Variants in INPP5B observed in about 807,000 individuals in gnomAD.
INPP5B encodes type II inositol 1,4,5-trisphosphate 5-phosphatase.
A neutral mutation model predicts 118.5 loss-of-function variants in INPP5B; 90 were observed. The observed-to-expected ratio is 0.76, with a 90% CI of 0.64 to 0.90. INPP5B has a LOEUF of 0.90. Ranked by LOEUF, INPP5B falls within the 40% of genes least tolerant of loss-of-function variation. INPP5B has a pLI of 0.00. For synonymous variants in INPP5B, 385 were observed against 418.9 expected (o/e 0.92, Z 0.99); for missense variants, 984 against 1,125.6 (o/e 0.87, Z 1.80).
intron 7 of INPP5B, 44 bp downstream of exon 7, chr1:37,931,869 G>A: frequency 1.9e-6 from 3 of 1,613,298 alleles, no homozygotes; most frequent in Non-Finnish European, 1.7e-6. Context: ...CCTGTGGCCG[G>A]GCCTCCTCCA....
At chr1:37,920,730 A>G (rs1239782449) in intron 7 of INPP5B, among the ~76,000 whole-genome samples, 1 of 151,544 alleles carries the variant, frequency 6.6e-6, no homozygotes, top group Admixed American at 6.6e-5. Flanking sequence ...CCTGAGTTCT[A>G]TTTTCGACTC....
intron 15 of INPP5B, among the ~76,000 whole-genome samples, chr1:37,878,850 A>T (rs893435790): frequency 6.6e-6 from 1 of 150,386 alleles, no homozygotes; most frequent in African/African-American, 2.4e-5. Context: ...GGGTTTCACC[A>T]TGTTGCCCAG....
intron 22 of INPP5B, 44 bp from the exon 23 acceptor site, chr1:37,864,467 A>G (rs1414361960): frequency 1.7e-6 from 2 of 1,158,910 alleles, no homozygotes; most frequent in Admixed American, 3.5e-5. Flanking sequence ...TCACTGAATC[A>G]TTTCTCAAGT....
intron 3 of INPP5B, 125 bp downstream of exon 3, chr1:37,945,631 T>G (rs1646084097): frequency 1.5e-6 from 1 of 668,998 alleles, no homozygotes; most frequent in Non-Finnish European, 2.7e-6. Flanking sequence ...ATATTAACTA[T>G]CATTGTGATA....
chr1:37,875,689 G>A lies in INPP5B; in HGVS notation c.1705C>T (p.Arg569Trp), dbSNP rs759049604. The A allele has an allele frequency of 1.4e-5, 23 of 1,613,864 alleles. No homozygotes were observed. Among genetic ancestry groups the A allele is most frequent in the Middle Eastern group, 1.6e-4 (1 of 6,084 alleles). Reference protein sequence around the residue: ...GVRVVNDELYRKTLEEIVRSL... With the variant: ...GVRVVNDELYWKTLEEIVRSL... ...CGAACAATTTCCTCCAGTGTCTTCC[G>A]GTAAAGCTCGTCATTTACGACCCTC... Residue 569 changes from arginine (R) to tryptophan (W), a missense_variant, in exon 17 of 24, where the codon CGG becomes TGG. Arg to Trp is a moderately radical substitution (Grantham distance 101). Transcript: ENST00000373024.
intron 3 of INPP5B, among the ~76,000 whole-genome samples, chr1:37,945,405 C>T (rs1322010323): frequency 6.6e-6 from 1 of 152,144 alleles, no homozygotes; most frequent in East Asian, 1.9e-4. Context: ...TGCACTCCAG[C>T]CTGGGCAAAG....
chr1:37,931,712 T>C, intron 7 of INPP5B: 1 of 1,550,648 alleles, frequency 6.4e-7, no homozygotes, highest in Non-Finnish European at 8.7e-7. Context: ...GCGGCAGACA[T>C]TTCCCTGCCT....
At chr1:37,942,877 C>G (rs1570423557) in intron 5 of INPP5B, among the ~76,000 whole-genome samples, 2 of 150,434 alleles carry the variant, frequency 1.3e-5, no homozygotes, top group South Asian at 2.1e-4. Context: ...CCACTGTACT[C>G]CAGCCTGGGT....
chr1:37,922,253 G>A (rs752857577), intron 7 of INPP5B, among the ~76,000 whole-genome samples: 10 of 151,890 alleles, frequency 6.6e-5, no homozygotes, highest in Non-Finnish European at 1.2e-4. Flanking sequence ...GCCAGACATG[G>A]TGGCACATGT....
intron 7 of INPP5B, among the ~76,000 whole-genome samples, chr1:37,899,043 T>C (rs1644229797): frequency 6.7e-6 from 1 of 150,260 alleles, no homozygotes; most frequent in Non-Finnish European, 1.5e-5. Context: ...TAGCCAGGTG[T>C]GGTGGCGCAT....
In INPP5B at chr1:37,943,638, A is replaced by C; in HGVS notation, c.280+2T>G. 6.2e-7 allele frequency: 1 copy of C among 1,614,046 alleles called. No homozygotes were observed. The highest frequency in any genetic ancestry group is 8.5e-7 in the Non-Finnish European group (1 of 1,179,940). ...GGGACCCAGACCAAGAGGACCACTC[A>C]CCAAGGATGTAGAGTTCACCATCTG... On this transcript the variant is annotated splice_donor_variant, in intron 5 of 23. Transcript: ENST00000373024. LOFTEE classifies it high-confidence loss of function.
intron 19 of INPP5B, among the ~76,000 whole-genome samples, chr1:37,869,342 G>C (rs1424898663): frequency 6.7e-6 from 1 of 148,740 alleles, no homozygotes; most frequent in Non-Finnish European, 1.5e-5. Context: ...GTGGGGTCTC[G>C]CTATGCTGCC....
rs751019223 is a variant in INPP5B at position 37,875,587 on chromosome 1, C to T, written c.1788+19G>A. On this transcript the variant is annotated intron_variant, in intron 17 of 23. Coordinates refer to ENST00000373024, the MANE Select transcript of INPP5B (RefSeq NM_005540.3). ...CCGGCCTGAGCCCAATGCTAATATTCTTAACATGTCCTTCCTACCTCTCGC... is the reference window on the plus strand; with the variant it reads ...CCGGCCTGAGCCCAATGCTAATATTTTTAACATGTCCTTCCTACCTCTCGC... 6.3e-7 allele frequency: 1 copy of T among 1,592,400 alleles called. No individual in the cohort carries two copies. The highest frequency in any genetic ancestry group is 1.1e-5 in the South Asian group (1 of 90,594).
chr1:37,880,031 C>A, intron 15 of INPP5B, 54 bp downstream of exon 15: 1 of 1,211,038 alleles, frequency 8.3e-7, no homozygotes. Context: ...CAAGTACTTC[C>A]CAGAATTTCT....
intron 7 of INPP5B, among the ~76,000 whole-genome samples, chr1:37,923,242 C>T (rs1231817078): frequency 1.3e-5 from 2 of 152,128 alleles, no homozygotes; most frequent in African/African-American, 2.4e-5. Flanking sequence ...GCAGCAAGTT[C>T]AAGCTTACAA....
At chr1:37,941,411 G>A (rs1645902937) in intron 5 of INPP5B, among the ~76,000 whole-genome samples, 1 of 152,100 alleles carries the variant, frequency 6.6e-6, no homozygotes, top group Admixed American at 6.6e-5. Flanking sequence ...ACTTTGGGAG[G>A]CCAGGGCAGG....
chr1:37,885,695 C>A lies in INPP5B; in HGVS notation c.1262G>T (p.Arg421Leu), dbSNP rs202221695. 4.4e-5 allele frequency: 71 copies of A among 1,613,984 alleles called. No homozygotes were observed. The highest frequency in any genetic ancestry group is 5.7e-5 in the Non-Finnish European group (67 of 1,180,026). ...RNQDYKDICS[R>L]MQFCQPDPSL... ...TGGGTCAGGCTGACAAAACTGCATT[C>A]GAGAACAAATGTCCTTATAGTCCTG... Residue 421 changes from arginine to leucine, a missense_variant, in exon 13 of 24, where the codon CGA (arginine) becomes CTA (leucine). Arg to Leu is a moderately radical substitution (Grantham distance 102, BLOSUM62 -2). This residue lies in a region of INPP5B where 634 missense variants were observed against 791.0 expected (regional missense o/e 0.80). Transcript: ENST00000373024.
At chr1:37,888,196 C>T (rs561281008) in intron 10 of INPP5B, 47 bp downstream of exon 10, 2 of 1,214,582 alleles carry the variant, frequency 1.6e-6, no homozygotes, top group South Asian at 3.7e-5. Flanking sequence ...TCAACCACAG[C>T]TCTGTGTGCT....
chr1:37,901,726 T>G (rs1422041732), intron 7 of INPP5B, among the ~76,000 whole-genome samples: 2 of 152,048 alleles, frequency 1.3e-5, no homozygotes, highest in African/African-American at 4.8e-5. Context: ...CACAGGGCGG[T>G]CTTCTCGGAA....
Sources: gnomAD v4.1 joint callset for allele counts (sites outside exome capture counted in the v4.1 genomes callset) on GRCh38, gnomAD v4.1.1 for gene constraint, gnomAD v4.1.1 regional missense constraint, MANE v1.5 for transcripts, NCBI Gene and HGNC (gene_info 2026-07-23, HGNC 2026-07-21) for gene names.